The following DCLK2 variants were observed in gnomAD, a reference collection of about 807,000 sequenced individuals.
The protein encoded by DCLK2 is serine/threonine-protein kinase DCLK2.
DCLK2 carries 31 observed loss-of-function variants against 78.4 expected under a neutral mutation model. The ratio of observed to expected loss-of-function variants is 0.40; its 90% CI spans 0.30 to 0.53. The LOEUF (loss-of-function observed/expected upper bound fraction) is 0.53. Ranked by LOEUF, DCLK2 falls within the 20% of genes least tolerant of loss-of-function variation. The probability of loss-of-function intolerance (pLI) is 0.61; values close to 1 mark genes in which losing one functional copy is unlikely to be tolerated. For missense variants in DCLK2, 872 were observed against 973.7 expected (o/e 0.90, Z 1.39); for synonymous variants, 407 against 374.9 (o/e 1.09, Z -0.99).
chr4:150,098,287 C>T (rs1232234760), intron 1 of DCLK2, among the ~76,000 whole-genome samples: 1 of 152,126 alleles, frequency 6.6e-6, no homozygotes, highest in African/African-American at 2.4e-5. Flanking sequence ...GTGGATTGCA[C>T]AGTGACCTTG....
chr4:150,113,353 G>T (rs1280540226), intron 2 of DCLK2, among the ~76,000 whole-genome samples: 2 of 152,094 alleles, frequency 1.3e-5, no homozygotes, highest in African/African-American at 4.8e-5. Context: ...ATAGAATTTG[G>T]CTGTGAATCT....
At chr4:150,093,098 T>C (rs1455350960) in intron 1 of DCLK2, among the ~76,000 whole-genome samples, 4 of 152,194 alleles carry the variant, frequency 2.6e-5, no homozygotes, top group South Asian at 2.1e-4. Flanking sequence ...GGATACAAAA[T>C]CATCATACAC....
chr4:150,205,982 C>T (rs1739813876), intron 5 of DCLK2, among the ~76,000 whole-genome samples: 1 of 152,172 alleles, frequency 6.6e-6, no homozygotes, highest in Non-Finnish European at 1.5e-5. Flanking sequence ...GGTCACTTCC[C>T]CATTTTTTGT....
At chr4:150,245,468 A>G (rs1169833886) in intron 12 of DCLK2, among the ~76,000 whole-genome samples, 1 of 152,134 alleles carries the variant, frequency 6.6e-6, no homozygotes, top group African/African-American at 2.4e-5. Flanking sequence ...TGCTGCACTC[A>G]TTAACTCATC....
At chr4:150,192,947 G>C (rs1738577368) in intron 2 of DCLK2, among the ~76,000 whole-genome samples, 191 bp from the exon 3 acceptor site, 1 of 152,176 alleles carries the variant, frequency 6.6e-6, no homozygotes, top group African/African-American at 2.4e-5. Context: ...CCTTGACTCT[G>C]TTGTTCTGAG....
At chr4:150,243,594 C>A (rs1226035408) in intron 12 of DCLK2, among the ~76,000 whole-genome samples, 3 of 152,214 alleles carry the variant, frequency 2.0e-5, no homozygotes, top group Non-Finnish European at 1.5e-5. Flanking sequence ...AACTTTAACC[C>A]AAAGCATTTA....
intron 2 of DCLK2, among the ~76,000 whole-genome samples, chr4:150,143,425 C>T (rs540329736): frequency 2.5e-4 from 38 of 152,216 alleles, no homozygotes; most frequent in East Asian, 1.9e-4. Flanking sequence ...TGGAGGATTG[C>T]GAGAGCCCAG....
intron 2 of DCLK2, among the ~76,000 whole-genome samples, chr4:150,156,624 A>G (rs1222904318): frequency 6.6e-6 from 1 of 151,938 alleles, no homozygotes; most frequent in Non-Finnish European, 1.5e-5. Flanking sequence ...AGCTATGATC[A>G]TGCCATTGCA....
chr4:150,248,801 G>A (rs534947196), intron 14 of DCLK2, among the ~76,000 whole-genome samples: 4 of 152,286 alleles, frequency 2.6e-5, no homozygotes, highest in African/African-American at 7.2e-5. Context: ...ACCTCTTGCT[G>A]TTGATGGGGA....
chr4:150,229,202 C>T (rs1003844422), intron 8 of DCLK2, among the ~76,000 whole-genome samples: 3 of 152,094 alleles, frequency 2.0e-5, no homozygotes, highest in Admixed American at 6.6e-5. Context: ...TGGGTGCACA[C>T]CTGTGGTCCC....
At chr4:150,112,722 A>G (rs1019020874) in intron 2 of DCLK2, among the ~76,000 whole-genome samples, 3 of 150,874 alleles carry the variant, frequency 2.0e-5, no homozygotes, top group African/African-American at 7.3e-5. Context: ...TGTTTATGTG[A>G]TGTATCTCAT....
chr4:150,097,855 C>G (rs1321493162), intron 1 of DCLK2, among the ~76,000 whole-genome samples: 3 of 152,098 alleles, frequency 2.0e-5, no homozygotes, highest in African/African-American at 7.2e-5. Flanking sequence ...AAATTTTTTA[C>G]AGTTTTATGG....
chr4:150,206,835 CA>C (rs1018559551), intron 5 of DCLK2, among the ~76,000 whole-genome samples: 2 of 152,176 alleles, frequency 1.3e-5, no homozygotes, highest in Non-Finnish European at 2.9e-5. Flanking sequence ...TTACAGTTCC[CA>C]TAATCTGTAG....
intron 2 of DCLK2, among the ~76,000 whole-genome samples, chr4:150,173,037 G>A (rs888786083): frequency 6.6e-6 from 1 of 152,128 alleles, no homozygotes; most frequent in Non-Finnish European, 1.5e-5. Flanking sequence ...GTTTTATTTA[G>A]TAATTTAGCA....
intron 2 of DCLK2, among the ~76,000 whole-genome samples, chr4:150,186,470 A>G (rs892345628): frequency 2.0e-5 from 3 of 152,216 alleles, no homozygotes; most frequent in Non-Finnish European, 2.9e-5. Context: ...GTGTTCTTCT[A>G]TAACATTCAC....
At chr4:150,225,408 TACTTTA>T (rs900796663) in intron 8 of DCLK2, among the ~76,000 whole-genome samples, 30 of 152,350 alleles carry the variant, frequency 2.0e-4, no homozygotes, top group African/African-American at 6.5e-4. Flanking sequence ...CAGTTACTGA[TACTTTA>T]ACTATGTTTG....
chr4:150,243,975 A>G (rs895344199), intron 12 of DCLK2, among the ~76,000 whole-genome samples: 2 of 150,988 alleles, frequency 1.3e-5, no homozygotes, highest in African/African-American at 4.9e-5. Context: ...GTCTCTGTTG[A>G]CCAGGCTGGA....
intron 2 of DCLK2, among the ~76,000 whole-genome samples, chr4:150,114,533 G>A (rs1315255886): frequency 2.0e-5 from 3 of 152,052 alleles, no homozygotes; most frequent in African/African-American, 7.2e-5. Context: ...TCTATTATGG[G>A]GTGTGTTGAC....
At chr4:150,209,228 G>T (rs570828291) in intron 5 of DCLK2, among the ~76,000 whole-genome samples, 1 of 152,216 alleles carries the variant, frequency 6.6e-6, no homozygotes, top group Non-Finnish European at 1.5e-5. Context: ...CTTTGCTTCT[G>T]TTTGGACTTA....
Sources: gnomAD v4.1 joint callset for allele counts (sites outside exome capture counted in the v4.1 genomes callset) on GRCh38, gnomAD v4.1.1 for gene constraint, MANE v1.5 for transcripts, NCBI Gene and HGNC (gene_info 2026-07-23, HGNC 2026-07-21) for gene names.